The following R3HDM1 variants were observed in gnomAD, a reference collection of about 807,000 sequenced individuals.
R3HDM1 encodes R3H domain-containing protein 1.
In R3HDM1, 46 loss-of-function variants were observed where a neutral mutation model predicts 141.1. That is an observed-to-expected ratio of 0.33 (90% CI 0.26 to 0.42). The LOEUF is 0.42. R3HDM1 is among the 10% of genes least tolerant of loss of function. The pLI, the probability that R3HDM1 is intolerant of heterozygous loss-of-function variation, is 1.00. For synonymous variants in R3HDM1, 435 were observed against 472.9 expected (o/e 0.92, Z 1.04); for missense variants, 1,184 against 1,368.3 (o/e 0.87, Z 2.12).
chr2:135,535,974 AC>A (rs1207422727), intron 1 of R3HDM1, among the ~76,000 whole-genome samples: 4 of 152,042 alleles, frequency 2.6e-5, no homozygotes, highest in African/African-American at 9.7e-5. Flanking sequence ...CTCCATACAC[AC>A]CTATTAACTT....
intron 3 of R3HDM1, among the ~76,000 whole-genome samples, chr2:135,614,946 T>C (rs2060883278): frequency 6.6e-6 from 1 of 151,868 alleles, no homozygotes; most frequent in Admixed American, 6.6e-5. Flanking sequence ...AGTTAGAGAG[T>C]AGGTAAAAAC....
chr2:135,542,582 C>G (rs1382179891), intron 1 of R3HDM1, among the ~76,000 whole-genome samples: 7 of 152,046 alleles, frequency 4.6e-5, no homozygotes, highest in Non-Finnish European at 8.8e-5. Context: ...ATGGTTTTGT[C>G]AAGAGGCATT....
At position 135,622,358 on chromosome 2, in the gene R3HDM1, G is replaced by A. The variant is rs545747636; in HGVS notation, c.419-296G>A. On this transcript the variant is annotated intron_variant, in intron 6 of 26. Transcript: ENST00000683871. The stretch of plus-strand genomic sequence containing the variant: ...CATTTTGAACATGAGGTTGTGGTGA[G>A]TATATAAAAGGATCTTTAAAGAATT... The A allele has an allele frequency of 5.7e-5, 56 of 984,024 alleles. No individual in the cohort carries two copies. In the African/African-American group the frequency reaches 8.4e-4, roughly 15 times the overall value. The allele number at this position is 984,024 out of a possible 1,614,324, so 61.0% of individuals were successfully genotyped here. A position where few individuals can be genotyped will look rare whatever the true frequency, so the allele number is the denominator to read the frequency against.
At chr2:135,614,025 T>C (rs1468779844) in intron 3 of R3HDM1, among the ~76,000 whole-genome samples, 1 of 152,244 alleles carries the variant, frequency 6.6e-6, no homozygotes. Flanking sequence ...TAACTAATTC[T>C]GGACTGTGAG....
intron 1 of R3HDM1, among the ~76,000 whole-genome samples, chr2:135,580,675 G>T (rs1029271172): frequency 1.1e-4 from 16 of 152,054 alleles, no homozygotes; most frequent in Non-Finnish European, 1.3e-4. Flanking sequence ...TCACTCACAA[G>T]GCCTTGCCTG....
chr2:135,643,889 C>G (rs1456735882), intron 15 of R3HDM1, among the ~76,000 whole-genome samples: 1 of 152,154 alleles, frequency 6.6e-6, no homozygotes, highest in Non-Finnish European at 1.5e-5. Context: ...CACGTTCTCA[C>G]TTGTAAGTGG....
intron 21 of R3HDM1, among the ~76,000 whole-genome samples, chr2:135,707,219 C>A (rs1559485727): frequency 6.6e-6 from 1 of 152,192 alleles, no homozygotes; most frequent in African/African-American, 2.4e-5. Context: ...TCCTGTCTTC[C>A]AAAGGAGGAG....
Position 135,561,670 on chromosome 2 carries a change from A to G in R3HDM1, c.-250+30037A>G, listed in dbSNP as rs148090463. 2.9e-3 allele frequency among the ~76,000 whole-genome samples: 449 copies of G among 152,246 alleles called. 3 individuals carry two copies. Among genetic ancestry groups the G allele is most frequent in the African/African-American group, 0.01 (418 of 41,532 alleles). On this transcript the variant is annotated intron_variant, in intron 1 of 26. Coordinates refer to ENST00000683871, the MANE Select transcript of R3HDM1 (RefSeq NM_001378107.1). Reference sequence around the variant, plus strand: ...GATGTCGAGGCTGTAGCGAGCCACCATAGAACCACTGCACTCCAGCTTAGG... The same window carrying G: ...GATGTCGAGGCTGTAGCGAGCCACCGTAGAACCACTGCACTCCAGCTTAGG...
At chr2:135,584,192 G>T (rs568649786) in intron 1 of R3HDM1, 2 of 568,740 alleles carry the variant, frequency 3.5e-6, no homozygotes, top group African/African-American at 4.1e-5. Flanking sequence ...ACCAGTTGTG[G>T]TGGCAGTTTC....
chr2:135,653,054 TAAAA>T (rs529959315), intron 18 of R3HDM1, among the ~76,000 whole-genome samples: 2 of 139,142 alleles, frequency 1.4e-5, no homozygotes, highest in Non-Finnish European at 3.1e-5. Context: ...TTGATGTTCT[TAAAA>T]AAAAAAAAAA....
chr2:135,708,970 A>AAC (rs2075285648), intron 21 of R3HDM1, among the ~76,000 whole-genome samples: 1 of 151,902 alleles, frequency 6.6e-6, no homozygotes, highest in South Asian at 2.1e-4. Flanking sequence ...AAAAAAAAAA[A>AAC]AAAAAAAACT....
At chr2:135,678,870 G>C (rs370613612) in intron 20 of R3HDM1, among the ~76,000 whole-genome samples, 28 of 139,142 alleles carry the variant, frequency 2.0e-4, no homozygotes, top group African/African-American at 6.2e-4. Flanking sequence ...AGCAATTCTT[G>C]TGCCTCAGCC....
chr2:135,577,311 A>C (rs1705666371), intron 1 of R3HDM1: 1 of 686,400 alleles, frequency 1.5e-6, no homozygotes, highest in South Asian at 6.6e-5. Flanking sequence ...CATATACCTT[A>C]GCCAAAAGGC....
intron 1 of R3HDM1, among the ~76,000 whole-genome samples, chr2:135,576,820 G>A (rs1705549023): frequency 6.6e-6 from 1 of 152,200 alleles, no homozygotes; most frequent in Non-Finnish European, 1.5e-5. Flanking sequence ...AAGTGTGAAA[G>A]TAGATTAGTG....
intron 23 of R3HDM1, among the ~76,000 whole-genome samples, chr2:135,714,462 A>G (rs964859529): frequency 5.9e-5 from 9 of 152,262 alleles, no homozygotes; most frequent in African/African-American, 2.2e-4. Context: ...TTAAAGAGCC[A>G]TGACAACAAA....
At chr2:135,642,291 T>TA (rs572573477) in intron 15 of R3HDM1, among the ~76,000 whole-genome samples, 19 of 149,486 alleles carry the variant, frequency 1.3e-4, no homozygotes, top group East Asian at 5.8e-4. Context: ...TTATTGGTAG[T>TA]AAAAAAAAAA....
rs559242043 is a variant in R3HDM1, at chr2:135,655,927, T to A, written c.2028+3895T>A. 1.4e-4 allele frequency among the ~76,000 whole-genome samples: 22 copies of A among 152,260 alleles called. No homozygotes were observed. The South Asian group carries it at 3.9e-3, about 27-fold the overall frequency. On this transcript the variant is annotated intron_variant, in intron 18 of 26. Coordinates refer to ENST00000683871, the MANE Select transcript of R3HDM1 (RefSeq NM_001378107.1). ...ATAGGTATTGCGTGGAATATGTAGG[T>A]CTCTTTGATATTATTGCCATGTTAA...
chr2:135,673,779 G>A (rs1007033832), intron 19 of R3HDM1, among the ~76,000 whole-genome samples: 6 of 152,170 alleles, frequency 3.9e-5, no homozygotes, highest in African/African-American at 1.4e-4. Context: ...ACCCTTCACT[G>A]TTAAGGGATT....
At chr2:135,675,130 A>G (rs1206368818) in intron 19 of R3HDM1, among the ~76,000 whole-genome samples, 1 of 152,318 alleles carries the variant, frequency 6.6e-6, no homozygotes, top group Non-Finnish European at 1.5e-5. Flanking sequence ...CTTTGTAGGC[A>G]GATTTTATTT....
Sources: gnomAD v4.1 joint callset for allele counts (sites outside exome capture counted in the v4.1 genomes callset) on GRCh38, gnomAD v4.1.1 for gene constraint, MANE v1.5 for transcripts, NCBI Gene and HGNC (gene_info 2026-07-23, HGNC 2026-07-21) for gene names.